The following SIPA1L3 variants were observed in gnomAD, a reference collection of about 807,000 sequenced individuals.
SIPA1L3 encodes signal induced proliferation associated 1 like 3.
Under a neutral mutation model 150.1 loss-of-function variants are expected in SIPA1L3, and 59 were observed. That is an observed-to-expected ratio of 0.39 (90% CI 0.32 to 0.49). The LOEUF is 0.49. Among genes scored for constraint, SIPA1L3 ranks in the 20% least tolerant of loss-of-function variants. The pLI is 0.86. For missense variants in SIPA1L3, 2,211 were observed against 2,489.5 expected (o/e 0.89, Z 2.38); for synonymous variants, 1,070 against 1,077.6 (o/e 0.99, Z 0.14).
At chr19:38,017,258 T>G (rs10419299) in intron 1 of SIPA1L3, among the ~76,000 whole-genome samples, 4,822 of 152,284 alleles carry the variant, frequency 0.032, 221 homozygotes, top group African/African-American at 0.11. Flanking sequence ...TGACTTTGTT[T>G]ATTGAATTCA....
At chr19:37,994,150 C>T (rs533974416) in intron 1 of SIPA1L3, among the ~76,000 whole-genome samples, 3 of 152,314 alleles carry the variant, frequency 2.0e-5, no homozygotes, top group East Asian at 3.9e-4. Context: ...GACCCTACCA[C>T]CTTGGCCTCC....
At chr19:38,151,525 C>T (rs1420355798) in intron 12 of SIPA1L3, among the ~76,000 whole-genome samples, 5 of 152,160 alleles carry the variant, frequency 3.3e-5, no homozygotes, top group African/African-American at 1.2e-4. Context: ...CACCTCCCTT[C>T]GTGTCTCATC....
chr19:38,031,714 A>G (rs1599929823), intron 2 of SIPA1L3, among the ~76,000 whole-genome samples: 3 of 152,126 alleles, frequency 2.0e-5, no homozygotes, highest in South Asian at 4.1e-4. Flanking sequence ...ATTAATGGCT[A>G]TCTTGGGGCA....
At chr19:38,197,131 C>G (rs2146059105) in intron 18 of SIPA1L3, among the ~76,000 whole-genome samples, 3 of 152,244 alleles carry the variant, frequency 2.0e-5, no homozygotes, top group Admixed American at 2.0e-4. Flanking sequence ...TCACCCCCCG[C>G]CTCCGCCAGC....
intron 9 of SIPA1L3, among the ~76,000 whole-genome samples, chr19:38,128,173 GC>G (rs1253140689): frequency 6.8e-6 from 1 of 148,042 alleles, no homozygotes; most frequent in Non-Finnish European, 1.5e-5. Flanking sequence ...TCCTGTGTCA[GC>G]CCCCTGAGTA....
chr19:38,152,859 C>A lies in SIPA1L3; in HGVS notation c.3553C>A (p.Pro1185Thr). The A allele has an allele frequency of 6.2e-7, 1 of 1,612,766 alleles. No homozygotes were observed. The highest frequency in any genetic ancestry group is 8.5e-7 in the Non-Finnish European group (1 of 1,179,354). ...CTGCAGGTACACGGCTGCCCCACACCCCCTGCTATCTCTTGATCCCCACTT... is the reference window on the plus strand; with the variant it reads ...CTGCAGGTACACGGCTGCCCCACACACCCTGCTATCTCTTGATCCCCACTT... ...SPERYTAAPHPLLSLDPHFSH... is the reference protein window; with the variant it reads ...SPERYTAAPHTLLSLDPHFSH... The change falls in exon 13 of 22, where the codon CCC (proline) becomes ACC (threonine). Residue 1185 changes from proline (P) to threonine (T), a missense_variant. By Grantham distance (38) the Pro-to-Thr change is conservative (BLOSUM62 -1). Transcript: ENST00000222345.
intron 1 of SIPA1L3, among the ~76,000 whole-genome samples, chr19:37,933,485 C>A (rs191620317): frequency 6.6e-6 from 1 of 152,334 alleles, no homozygotes; most frequent in African/African-American, 2.4e-5. Context: ...CTCTAGGCTC[C>A]ATAGAAGCAC....
At chr19:37,929,898 AC>A (rs959992327) in intron 1 of SIPA1L3, among the ~76,000 whole-genome samples, 2 of 152,060 alleles carry the variant, frequency 1.3e-5, no homozygotes, top group Non-Finnish European at 2.9e-5. Flanking sequence ...TTGTTCTGTC[AC>A]CCAGGCTAGA....
At chr19:37,983,905 CAAAAAA>C in intron 1 of SIPA1L3, among the ~76,000 whole-genome samples, 2 of 75,892 alleles carry the variant, frequency 2.6e-5, no homozygotes. Context: ...GACCCCATCT[CAAAAAA>C]AAAAAAAAAA....
At chr19:38,019,333 C>T (rs1258298917) in intron 1 of SIPA1L3, among the ~76,000 whole-genome samples, 3 of 152,170 alleles carry the variant, frequency 2.0e-5, no homozygotes, top group Admixed American at 1.3e-4. Context: ...GGGCCTTTGT[C>T]CTTAAGGTGG....
At chr19:38,025,410 T>C (rs946649019) in intron 1 of SIPA1L3, among the ~76,000 whole-genome samples, 4 of 152,124 alleles carry the variant, frequency 2.6e-5, no homozygotes, top group African/African-American at 9.7e-5. Flanking sequence ...ATAAGCAGGG[T>C]ACTGGCTGGA....
chr19:38,012,904 T>C (rs1165349809), intron 1 of SIPA1L3, among the ~76,000 whole-genome samples: 6 of 152,174 alleles, frequency 3.9e-5, no homozygotes, highest in Non-Finnish European at 8.8e-5. Flanking sequence ...TGTATGAACT[T>C]GATTCTTCTA....
chr19:38,172,199 G>C (rs1228092327), intron 15 of SIPA1L3, among the ~76,000 whole-genome samples: 1 of 152,184 alleles, frequency 6.6e-6, no homozygotes, highest in Non-Finnish European at 1.5e-5. Context: ...CTGGGAGGGA[G>C]ATGCAGGCCC....
intron 1 of SIPA1L3, among the ~76,000 whole-genome samples, chr19:37,921,827 T>C (rs1357420615): frequency 6.6e-6 from 1 of 152,168 alleles, no homozygotes; most frequent in Non-Finnish European, 1.5e-5. Flanking sequence ...GGTCTCGAAC[T>C]CCTGGCCTCA....
In SIPA1L3 at chr19:38,081,740, G is replaced by T; in HGVS notation, c.175G>T (p.Ala59Ser). 13 of 1,595,990 alleles carry T rather than the reference G, an allele frequency of 8.1e-6. No individual in the cohort carries two copies. Among genetic ancestry groups the T allele is most frequent in the Non-Finnish European group, 1.0e-5 (12 of 1,173,406 alleles). ...PLGESPATAT[A>S]TATATTRPSP... ...TGGCGAGAGCCCGGCCACCGCCACC[G>T]CCACCGCCACCGCCACCACCCGCCC... Residue 59 changes from alanine to serine, a missense_variant, in exon 3 of 22, where the codon GCC (alanine) becomes TCC (serine). By Grantham distance (99) the Ala-to-Ser change is moderately conservative (BLOSUM62 1). This residue lies in a region of SIPA1L3 where 130 missense variants were observed against 174.5 expected (regional missense o/e 0.74). Transcript: ENST00000222345.
chr19:38,193,842 C>A, intron 18 of SIPA1L3, 62 bp downstream of exon 18: 1 of 1,460,736 alleles, frequency 6.8e-7, no homozygotes, highest in African/African-American at 1.5e-5. Flanking sequence ...GTGGGGATGC[C>A]CGAGCAGGGG....
chr19:38,180,326 GT>G (rs201858401), intron 15 of SIPA1L3, among the ~76,000 whole-genome samples: 5 of 150,314 alleles, frequency 3.3e-5, no homozygotes, highest in East Asian at 3.9e-4. Context: ...AATTAATTGT[GT>G]TTTTTTTTCT....
At chr19:38,189,637 G>T (rs1010465648) in intron 16 of SIPA1L3, among the ~76,000 whole-genome samples, 4 of 152,068 alleles carry the variant, frequency 2.6e-5, no homozygotes, top group Admixed American at 2.0e-4. Context: ...GTGGTGGCAG[G>T]CGCCTGTAAT....
intron 2 of SIPA1L3, among the ~76,000 whole-genome samples, chr19:38,050,464 A>G (rs756892186): frequency 6.6e-6 from 1 of 152,210 alleles, no homozygotes; most frequent in Non-Finnish European, 1.5e-5. Context: ...AACAATAACA[A>G]CAACAACAAA....
Sources: allele counts gnomAD v4.1 joint callset (sites outside exome capture counted in the v4.1 genomes callset), GRCh38; gene constraint gnomAD v4.1.1; regional missense constraint gnomAD v4.1.1; transcripts MANE v1.5; gene names NCBI Gene and HGNC (gene_info 2026-07-23, HGNC 2026-07-21).